The following RTF1 variants were observed in gnomAD, a reference collection of about 807,000 sequenced individuals.
RTF1 encodes RNA polymerase-associated protein RTF1 homolog.
RTF1 carries 10 observed loss-of-function variants against 95.7 expected under a neutral mutation model. That is an observed-to-expected ratio of 0.10 (90% CI 0.06 to 0.18). The LOEUF is 0.18. Among genes scored for constraint, RTF1 ranks in the 10% least tolerant of loss-of-function variants. The probability of loss-of-function intolerance (pLI) is 1.00; values close to 1 mark genes in which losing one functional copy is unlikely to be tolerated. For missense variants in RTF1, 458 were observed against 875.6 expected (o/e 0.52, Z 6.02); for synonymous variants, 305 against 311.8 (o/e 0.98, Z 0.23).
intron 1 of RTF1, among the ~76,000 whole-genome samples, chr15:41,435,201 G>T (rs184122526): frequency 6.6e-6 from 1 of 152,112 alleles, no homozygotes; most frequent in East Asian, 1.9e-4. Flanking sequence ...TGAACCTGAA[G>T]GAGTCAGAGA....
chr15:41,423,195 G>A (rs2050611417), intron 1 of RTF1, among the ~76,000 whole-genome samples: 1 of 152,174 alleles, frequency 6.6e-6, no homozygotes, highest in Admixed American at 6.5e-5. Flanking sequence ...TGTGCTTCTT[G>A]TTAATGTAGT....
chr15:41,427,680 A>G (rs1214750308), intron 1 of RTF1, among the ~76,000 whole-genome samples: 1 of 152,178 alleles, frequency 6.6e-6, no homozygotes, highest in East Asian at 1.9e-4. Flanking sequence ...CCTGACTCAA[A>G]TAATAATAAC....
chr15:41,421,266 G>T (rs1175712822), intron 1 of RTF1, among the ~76,000 whole-genome samples: 1 of 152,070 alleles, frequency 6.6e-6, no homozygotes, highest in African/African-American at 2.4e-5. Flanking sequence ...AGACCAGCCT[G>T]ACCAACATGG....
At chr15:41,476,392 T>C (rs906157161) in intron 11 of RTF1, 54 bp from the exon 12 acceptor site, 7 of 1,497,360 alleles carry the variant, frequency 4.7e-6, no homozygotes, top group Non-Finnish European at 6.5e-6. Context: ...ACTTAGCCTG[T>C]CTACAAAAAT....
Position 41,475,495 on chromosome 15 carries a change from TCTTGGAGATG to T in RTF1, c.1287-27_1287-18del. 6.3e-7 allele frequency: 1 copy of T among 1,587,754 alleles called. No homozygotes were observed. Among genetic ancestry groups the T allele is most frequent in the Non-Finnish European group, 8.6e-7 (1 of 1,156,100 alleles). On this transcript the variant is annotated intron_variant, in intron 9 of 17. Coordinates refer to ENST00000389629, the MANE Select transcript of RTF1 (RefSeq NM_015138.5). ...TTGTACTACAGTCAACATGCACATT[TCTTGGAGATG>T]CTGTCTCTCTTTTATGTAGGCATGG... is the stretch of plus-strand genomic sequence containing the variant.
intron 1 of RTF1, among the ~76,000 whole-genome samples, chr15:41,429,546 C>T (rs1255787028): frequency 6.6e-6 from 1 of 151,962 alleles, no homozygotes; most frequent in Non-Finnish European, 1.5e-5. Flanking sequence ...CACTGCCTAA[C>T]TTCCATGCTC....
Position 41,457,892 on chromosome 15 carries a change from TC to T in RTF1, c.662+17del. On this transcript the variant is annotated intron_variant, in intron 4 of 17. Coordinates refer to ENST00000389629, the MANE Select transcript of RTF1 (RefSeq NM_015138.5). ...TGAAAAGAAGGTAAGGTTGTCCTCG[TC>T]GTTGTCCCCCCCCCGCCCCCACCTT... 1 of 1,595,956 alleles carries T rather than the reference TC, an allele frequency of 6.3e-7. No homozygotes were observed. Among genetic ancestry groups the T allele is most frequent in the Non-Finnish European group, 8.5e-7 (1 of 1,171,470 alleles).
At chr15:41,456,843 T>A (rs541566017) in intron 3 of RTF1, among the ~76,000 whole-genome samples, 85 of 151,396 alleles carry the variant, frequency 5.6e-4, no homozygotes, top group African/African-American at 2.0e-3. Context: ...CCCAGCACTT[T>A]GAGAGGCCAA....
chr15:41,479,470 G>T (rs2050959097), intron 16 of RTF1, among the ~76,000 whole-genome samples: 1 of 152,108 alleles, frequency 6.6e-6, no homozygotes. Flanking sequence ...TAAAATGAGG[G>T]TACTACTGTA....
intron 6 of RTF1, among the ~76,000 whole-genome samples, chr15:41,466,837 C>T (rs575799225): frequency 6.6e-6 from 1 of 152,342 alleles, no homozygotes; most frequent in Non-Finnish European, 1.5e-5. Flanking sequence ...CATTTGTCTT[C>T]TGGTTTCTCA....
chr15:41,417,373 A>G, intron 1 of RTF1, 60 bp downstream of exon 1: 1 of 1,231,528 alleles, frequency 8.1e-7, no homozygotes, highest in African/African-American at 1.6e-5. Flanking sequence ...GGGCCGCGGG[A>G]GCCGGAGACG....
intron 2 of RTF1, among the ~76,000 whole-genome samples, chr15:41,445,032 C>T (rs2050753957): frequency 6.6e-6 from 1 of 151,992 alleles, no homozygotes; most frequent in South Asian, 2.1e-4. Flanking sequence ...CCCGGATTCA[C>T]GCCGTTCTCC....
chr15:41,441,247 A>G (rs966639136), intron 2 of RTF1, among the ~76,000 whole-genome samples: 2 of 152,148 alleles, frequency 1.3e-5, no homozygotes, highest in African/African-American at 4.8e-5. Flanking sequence ...CTGGGATTAC[A>G]GGCGTGAGCC....
At position 41,474,606 on chromosome 15, in the gene RTF1, G is replaced by GT; in HGVS notation, c.1204-13dup. The GT allele has an allele frequency of 6.2e-7, 1 of 1,603,164 alleles. No homozygotes were observed. Among genetic ancestry groups the GT allele is most frequent in the Non-Finnish European group, 8.5e-7 (1 of 1,169,940 alleles). On this transcript the variant is annotated splice_polypyrimidine_tract_variant and intron_variant, in intron 8 of 17. Coordinates refer to ENST00000389629, the MANE Select transcript of RTF1 (RefSeq NM_015138.5). The stretch of plus-strand genomic sequence containing the variant: ...GAGTCTGGTTTTGACTGGCGTCTCT[G>GT]TCCTCTCACTTAGGTCGCTGAGATT...
At position 41,476,305 on chromosome 15, in the gene RTF1, C is replaced by G. The variant is rs894685251; in HGVS notation, c.1483-141C>G. On this transcript the variant is annotated intron_variant, in intron 11 of 17. Transcript: ENST00000389629. ...GTATCCCTTGGAATGAACCCGCTCT[C>G]TCTCTCTCTGGGGCATGACACTGCT... 1.0e-5 allele frequency: 7 copies of G among 675,376 alleles called. No individual in the cohort carries two copies. In the African/African-American group the frequency reaches 1.1e-4, roughly 10 times the overall value. The allele number at this position is 675,376 out of a possible 1,614,324, so 41.8% of individuals were successfully genotyped here. A position where few individuals can be genotyped will look rare whatever the true frequency, so the allele number is the denominator to read the frequency against.
chr15:41,453,129 G>C lies in RTF1; in HGVS notation c.457+81G>C, dbSNP rs544240223. ...GTGCAAAGGCAGAAGTGGGGAGGAAGGGGGGTACTTGCATTCAGCATGACC... is the reference window on the plus strand; with the variant it reads ...GTGCAAAGGCAGAAGTGGGGAGGAACGGGGGTACTTGCATTCAGCATGACC... On this transcript the variant is annotated intron_variant, in intron 3 of 17. Coordinates refer to ENST00000389629, the MANE Select transcript of RTF1 (RefSeq NM_015138.5). The C allele has an allele frequency of 7.0e-5, 86 of 1,232,648 alleles. No homozygotes were observed. In the African/African-American group the frequency reaches 1.2e-3, roughly 17 times the overall value. 76.4% of individuals were successfully genotyped at this position (1,232,648 alleles called of 1,614,324 possible). A position where few individuals can be genotyped will look rare whatever the true frequency, so the allele number is the denominator to read the frequency against.
intron 8 of RTF1, among the ~76,000 whole-genome samples, chr15:41,473,000 C>T (rs547327346): frequency 6.6e-6 from 1 of 152,206 alleles, no homozygotes; most frequent in South Asian, 2.1e-4. Context: ...CGCACCCGGC[C>T]TCACTTTGGG....
At chr15:41,446,510 G>A (rs1341698779) in intron 2 of RTF1, among the ~76,000 whole-genome samples, 1 of 151,862 alleles carries the variant, frequency 6.6e-6, no homozygotes, top group Non-Finnish European at 1.5e-5. Flanking sequence ...AGGTTGCAGT[G>A]AGCCGAGATT....
intron 8 of RTF1, 115 bp downstream of exon 8, chr15:41,471,464 A>G (rs2050911241): frequency 9.1e-7 from 1 of 1,098,652 alleles, no homozygotes. Flanking sequence ...GATGGAAAGT[A>G]GACTCCAAGT....
Sources: allele counts gnomAD v4.1 joint callset (sites outside exome capture counted in the v4.1 genomes callset), GRCh38; gene constraint gnomAD v4.1.1; transcripts MANE v1.5; gene names NCBI Gene and HGNC (gene_info 2026-07-23, HGNC 2026-07-21).